Variants in DRC8 observed in about 807,000 individuals in gnomAD.
DRC8 encodes the protein dynein regulatory complex subunit 8, also known as dynein regulatory complex protein 8.
At chr1:245,080,893 A>G in the DRC8 span, among the ~76,000 whole-genome samples, 2 of 152,126 alleles carry the variant, frequency 1.3e-5, no homozygotes, top group East Asian at 1.9e-4. Context: ...TTCTAGCCTC[A>G]TCTTGAAGCC....
At chr1:245,035,463 A>T in the DRC8 span, among the ~76,000 whole-genome samples, 1 of 152,216 alleles carries the variant, frequency 6.6e-6, no homozygotes. Context: ...AGACAATTCG[A>T]TAGAAAAAAG....
At chr1:245,102,672 A>C in the DRC8 span, among the ~76,000 whole-genome samples, 1 of 152,236 alleles carries the variant, frequency 6.6e-6, no homozygotes, top group Non-Finnish European at 1.5e-5. Flanking sequence ...CAGTGGCAGG[A>C]GTACTTATAG....
the DRC8 span, among the ~76,000 whole-genome samples, chr1:244,994,410 G>T: frequency 6.6e-6 from 1 of 152,080 alleles, no homozygotes; most frequent in African/African-American, 2.4e-5. Context: ...TACTAAGATA[G>T]CTAAGAGACA....
chr1:244,976,254 G>A, the DRC8 span, among the ~76,000 whole-genome samples: 1 of 151,908 alleles, frequency 6.6e-6, no homozygotes, highest in Non-Finnish European at 1.5e-5. Context: ...AGGCAACAGA[G>A]CAAGACTCCA....
the DRC8 span, among the ~76,000 whole-genome samples, chr1:245,063,316 C>T: frequency 3.9e-5 from 6 of 152,288 alleles, no homozygotes; most frequent in African/African-American, 1.4e-4. Context: ...GAGAAAGTGC[C>T]TGAAGTCGAT....
the DRC8 span, among the ~76,000 whole-genome samples, chr1:245,097,128 C>T: frequency 6.6e-6 from 1 of 152,160 alleles, no homozygotes; most frequent in Non-Finnish European, 1.5e-5. The surrounding 1 kb of genome is among the most constrained non-coding windows in gnomAD (Gnocchi z 5.0). Flanking sequence ...TTTTCCTAAA[C>T]TTGTGACCTC....
chr1:245,021,103 G>GGAAAATATAGTTTAAAAAA, the DRC8 span, among the ~76,000 whole-genome samples: 1 of 151,864 alleles, frequency 6.6e-6, no homozygotes, highest in East Asian at 1.9e-4. Context: ...TTTTTGTTTT[G>GGAAAATATAGTTTAAAAAA]GAAAATATAG....
At chr1:245,109,316 C>T in the DRC8 span, among the ~76,000 whole-genome samples, 2 of 152,272 alleles carry the variant, frequency 1.3e-5, no homozygotes, top group Non-Finnish European at 1.5e-5. Flanking sequence ...AATGGAAAGG[C>T]TCAAAGGGCT....
the DRC8 span, among the ~76,000 whole-genome samples, chr1:245,002,902 A>G: frequency 6.6e-6 from 1 of 152,128 alleles, no homozygotes; most frequent in Admixed American, 6.6e-5. Context: ...CCAACTTCAG[A>G]ACCTTTTTGT....
the DRC8 span, among the ~76,000 whole-genome samples, chr1:245,095,778 CTTAAT>C: frequency 2.1e-3 from 324 of 152,240 alleles, no homozygotes; most frequent in African/African-American, 7.3e-3. Context: ...GTAGTTAAAT[CTTAAT>C]TTAATTGTTC....
At chr1:244,996,173 T>C in the DRC8 span, among the ~76,000 whole-genome samples, 6 of 152,258 alleles carry the variant, frequency 3.9e-5, no homozygotes, top group East Asian at 1.2e-3. Context: ...ATCTGATGGA[T>C]TGGTTGGGCA....
chr1:245,079,344 C>T, the DRC8 span, among the ~76,000 whole-genome samples: 1 of 152,132 alleles, frequency 6.6e-6, no homozygotes, highest in African/African-American at 2.4e-5. Flanking sequence ...TCTGTAAAAA[C>T]AACAATAACA....
At chr1:245,050,365 C>T in the DRC8 span, among the ~76,000 whole-genome samples, 1 of 152,070 alleles carries the variant, frequency 6.6e-6, no homozygotes, top group Non-Finnish European at 1.5e-5. Flanking sequence ...TTCCCAAACT[C>T]CTGGGATAAC....
chr1:245,033,146 G>C, the DRC8 span, among the ~76,000 whole-genome samples: 1 of 152,226 alleles, frequency 6.6e-6, no homozygotes, highest in African/African-American at 2.4e-5. Context: ...GCAGCACAGA[G>C]CTGGCACACG....
At chr1:245,112,282 C>A in the DRC8 span, among the ~76,000 whole-genome samples, 1 of 152,222 alleles carries the variant, frequency 6.6e-6, no homozygotes, top group Non-Finnish European at 1.5e-5. Flanking sequence ...CCATGTTGGT[C>A]AGGCTGGTCT....
At chr1:245,082,048 AT>A in the DRC8 span, 2 of 1,525,796 alleles carry the variant, frequency 1.3e-6, no homozygotes, top group Non-Finnish European at 1.8e-6. Context: ...CATTTGTTGA[AT>A]GACTAAATGG....
At chr1:245,101,704 T>G in the DRC8 span, among the ~76,000 whole-genome samples, 2 of 152,348 alleles carry the variant, frequency 1.3e-5, no homozygotes, top group Admixed American at 1.3e-4. Flanking sequence ...ACATAATAGA[T>G]GTACATGCTT....
the DRC8 span, among the ~76,000 whole-genome samples, chr1:245,015,522 A>T: frequency 3.2e-3 from 480 of 152,108 alleles, 1 homozygote; most frequent in Non-Finnish European, 4.4e-3. Flanking sequence ...CATCCTGGCC[A>T]ACATGGTGAA....
chr1:245,073,120 T>C, the DRC8 span, among the ~76,000 whole-genome samples: 197 of 152,284 alleles, frequency 1.3e-3, no homozygotes, highest in African/African-American at 4.3e-3. Flanking sequence ...GGTATCAATG[T>C]AGCTCTATTA....
Sources: allele counts gnomAD v4.1 joint callset (sites outside exome capture counted in the v4.1 genomes callset), GRCh38; gene constraint gnomAD v4.1.1; non-coding constraint Gnocchi (gnomAD v3.1); transcripts MANE v1.5; gene names NCBI Gene and HGNC (gene_info 2026-07-23, HGNC 2026-07-21).